TRIP12: variants seen among roughly 807,000 people sequenced by gnomAD.
The protein encoded by TRIP12 is E3 ubiquitin-protein ligase TRIP12.
A neutral mutation model predicts 244.2 loss-of-function variants in TRIP12; 25 were observed. The ratio of observed to expected loss-of-function variants is 0.10; its 90% CI spans 0.07 to 0.14. TRIP12 has a LOEUF of 0.14. Ranked by LOEUF, TRIP12 falls within the 10% of genes least tolerant of loss-of-function variation. TRIP12 has a pLI of 1.00. For missense variants in TRIP12, 1,677 were observed against 2,486.4 expected, an observed-to-expected ratio of 0.67 and a Z score of 6.92; for synonymous variants, 905 against 873.1, an observed-to-expected ratio of 1.04 and a Z score of -0.64.
At chr2:229,804,373 T>C in intron 18 of TRIP12, 146 bp from the exon 19 acceptor site, 5 of 670,352 alleles carry the variant, frequency 7.5e-6, no homozygotes, top group Non-Finnish European at 9.9e-6. Flanking sequence ...TTCTATGATA[T>C]GATCAACTAG....
At chr2:229,836,452 C>G (rs17323758) in intron 6 of TRIP12, among the ~76,000 whole-genome samples, 37,656 of 152,034 alleles carry the variant, frequency 0.25, 5,695 homozygotes, top group Middle Eastern at 0.42. Flanking sequence ...ATTCTTACAG[C>G]TAAGGTTCAA....
chr2:229,857,213 C>CAA (rs1280164101), intron 4 of TRIP12, among the ~76,000 whole-genome samples: 1 of 152,074 alleles, frequency 6.6e-6, no homozygotes, highest in Non-Finnish European at 1.5e-5. Flanking sequence ...TAAAATCCAT[C>CAA]AGAGAAGAAA....
At chr2:229,886,172 C>A (rs894597336) in intron 1 of TRIP12, among the ~76,000 whole-genome samples, 1 of 152,086 alleles carries the variant, frequency 6.6e-6, no homozygotes, top group Non-Finnish European at 1.5e-5. Context: ...ATGGTATATT[C>A]GTAAGTCAAA....
chr2:229,834,485 T>C (rs941643513), intron 6 of TRIP12, among the ~76,000 whole-genome samples: 5 of 152,152 alleles, frequency 3.3e-5, no homozygotes, highest in African/African-American at 1.2e-4. Context: ...GCAGACCAGG[T>C]GCAGAGGCTC....
At chr2:229,803,726 T>A in intron 19 of TRIP12, 37 bp from the exon 20 acceptor site, 2 of 1,447,746 alleles carry the variant, frequency 1.4e-6, no homozygotes, top group Non-Finnish European at 9.5e-7. Context: ...AAACTCTGCC[T>A]GAATTTGATG....
Position 229,778,903 on chromosome 2 carries a change from C to T in TRIP12, c.5182G>A (p.Glu1728Lys). ...TTTGGATTGCTAAGAGTTACTTCTT[C>T]ACCTCTCCAAAGACCCAAGTCAGCT... ...QRADLGLWRG[E>K]EVTLSNPKGS... The change falls in exon 35 of 42, where the codon GAA becomes AAA. Residue 1728 changes from glutamate to lysine, a missense_variant. By Grantham distance (56) the Glu-to-Lys change is moderately conservative (BLOSUM62 1). This residue lies in a region of TRIP12 where 18 missense variants were observed against 16.8 expected (regional missense o/e 1.07). Coordinates refer to ENST00000675903, the MANE Select transcript of TRIP12 (RefSeq NM_001348323.3). This position sits in a 1 kb window ranked among gnomAD's most constrained non-coding sequence, Gnocchi z 4.1. The T allele has an allele frequency of 6.2e-7, 1 of 1,613,948 alleles. No individual in the cohort carries two copies. The highest frequency in any genetic ancestry group is 8.5e-7 in the Non-Finnish European group (1 of 1,179,840).
intron 5 of TRIP12, among the ~76,000 whole-genome samples, chr2:229,839,570 T>C (rs1164803057): frequency 6.6e-6 from 1 of 151,684 alleles, no homozygotes; most frequent in African/African-American, 2.4e-5. Context: ...TCCCAGCTAC[T>C]CGGGAGGCCG....
intron 5 of TRIP12, among the ~76,000 whole-genome samples, chr2:229,840,371 AAT>A (rs1340995284): frequency 2.6e-5 from 4 of 152,202 alleles, no homozygotes; most frequent in Non-Finnish European, 4.4e-5. Flanking sequence ...GTTATGTTAG[AAT>A]ATGTCTTTAC....
At chr2:229,899,561 TG>T (rs985645776) in intron 1 of TRIP12, among the ~76,000 whole-genome samples, 3 of 152,098 alleles carry the variant, frequency 2.0e-5, no homozygotes, top group Admixed American at 6.6e-5. Flanking sequence ...AAAAGAATGC[TG>T]GGAAGCTCAG....
intron 6 of TRIP12, among the ~76,000 whole-genome samples, chr2:229,832,982 A>G (rs2053847399): frequency 6.6e-6 from 1 of 152,212 alleles, no homozygotes; most frequent in Non-Finnish European, 1.5e-5. Flanking sequence ...GAGCCCATAC[A>G]TTAAAAAACA....
chr2:229,806,031 G>A, intron 17 of TRIP12, 148 bp from the exon 18 acceptor site: 1 of 588,812 alleles, frequency 1.7e-6, no homozygotes, highest in Non-Finnish European at 2.7e-6. Flanking sequence ...GAATAATAGT[G>A]TAGATATGAC....
At chr2:229,883,362 C>T (rs2065260996) in intron 1 of TRIP12, among the ~76,000 whole-genome samples, 1 of 152,216 alleles carries the variant, frequency 6.6e-6, no homozygotes, top group Non-Finnish European at 1.5e-5. Flanking sequence ...ATATTCTGTA[C>T]TGACTTGACC....
At chr2:229,864,047 A>AGAGAGAGAGAGAGAGAGAGTGT in intron 2 of TRIP12, among the ~76,000 whole-genome samples, 13 of 79,314 alleles carry the variant, frequency 1.6e-4, no homozygotes, top group South Asian at 5.1e-4. Flanking sequence ...AGAGAGAGAG[A>AGAGAGAGAGAGAGAGAGAGTGT]GTGTGTGTGT....
chr2:229,837,079 A>G (rs1327550695), intron 5 of TRIP12, 95 bp from the exon 6 acceptor site: 2 of 1,287,270 alleles, frequency 1.6e-6, no homozygotes, highest in Non-Finnish European at 1.0e-6. Context: ...GCACAAAGCC[A>G]GTTTCTTCTT....
At chr2:229,789,512 G>C in intron 31 of TRIP12, 99 bp downstream of exon 31, 1 of 1,427,334 alleles carries the variant, frequency 7.0e-7, no homozygotes, top group Non-Finnish European at 9.5e-7. Context: ...TGGGCTAGGA[G>C]CCCTGCATTT....
chr2:229,877,610 G>T lies in TRIP12; in HGVS notation c.98+2372C>A, dbSNP rs189418748. ...AAAATGACCATGCTGAAACACTGTG[G>T]ATTTTAGAAGCAATGCGCTGTTGAT... is the stretch of plus-strand genomic sequence containing the variant. On this transcript the variant is annotated intron_variant, in intron 2 of 41. Transcript: ENST00000675903. 1.4e-3 allele frequency among the ~76,000 whole-genome samples: 219 copies of T among 152,256 alleles called. 2 individuals are homozygous for T. The highest frequency in any genetic ancestry group is 2.5e-3 in the Admixed American group (38 of 15,296).
At chr2:229,890,226 C>T (rs1021091514) in intron 1 of TRIP12, among the ~76,000 whole-genome samples, 5 of 152,076 alleles carry the variant, frequency 3.3e-5, no homozygotes, top group South Asian at 4.2e-4. Context: ...ACTACAGGCA[C>T]GCACCACCAC....
intron 1 of TRIP12, among the ~76,000 whole-genome samples, chr2:229,883,289 C>G (rs540331149): frequency 2.6e-5 from 4 of 152,344 alleles, no homozygotes; most frequent in South Asian, 4.1e-4. Flanking sequence ...TTGGCTTCAG[C>G]TAAGAACCCA....
rs1373357741 is a variant in TRIP12, at chr2:229,808,858, C to T, written c.2222-489G>A. Among the ~76,000 whole-genome samples, 3 of 152,180 alleles carry T rather than the reference C, an allele frequency of 2.0e-5. No homozygotes were observed. The East Asian group carries it at 5.8e-4, about 29-fold the overall frequency. ...CTAAGCAACACTGATTACATGCAAA[C>T]TTGATACAAGGATCAGGCAGGCATT... On this transcript the variant is annotated intron_variant, in intron 15 of 41. Coordinates refer to ENST00000675903, the MANE Select transcript of TRIP12 (RefSeq NM_001348323.3).
Sources: allele counts gnomAD v4.1 joint callset (sites outside exome capture counted in the v4.1 genomes callset), GRCh38; gene constraint gnomAD v4.1.1; regional missense constraint gnomAD v4.1.1; non-coding constraint Gnocchi (gnomAD v3.1); transcripts MANE v1.5; gene names NCBI Gene and HGNC (gene_info 2026-07-23, HGNC 2026-07-21).